Variants in CLDN16 observed in about 807,000 individuals in gnomAD.
The protein encoded by CLDN16 is claudin-16.
In CLDN16, 13 loss-of-function variants were observed where a neutral mutation model predicts 24.6. That is an observed-to-expected ratio of 0.53 (90% CI 0.34 to 0.84). CLDN16 has a LOEUF of 0.84. Ranked by LOEUF, CLDN16 falls within the 40% of genes least tolerant of loss-of-function variation. CLDN16 has a pLI of 0.01. For missense variants in CLDN16, 298 were observed against 292.7 expected, an observed-to-expected ratio of 1.02 and a Z score of -0.13; for synonymous variants, 116 against 106.7, an observed-to-expected ratio of 1.09 and a Z score of -0.54.
chr3:190,397,422 A>G (rs1016491597), intron 1 of CLDN16, among the ~76,000 whole-genome samples: 1 of 152,200 alleles, frequency 6.6e-6, no homozygotes, highest in Non-Finnish European at 1.5e-5. Flanking sequence ...TTACCCTTTA[A>G]GAAAGGTTAA....
chr3:190,353,799 C>T (rs1045938709), intron 1 of CLDN16, among the ~76,000 whole-genome samples: 3 of 152,034 alleles, frequency 2.0e-5, no homozygotes, highest in African/African-American at 7.2e-5. Context: ...TGGAGTTTGC[C>T]TGTTCTTAAC....
intron 1 of CLDN16, among the ~76,000 whole-genome samples, chr3:190,391,937 G>A (rs994737293): frequency 6.6e-6 from 1 of 152,068 alleles, no homozygotes; most frequent in Non-Finnish European, 1.5e-5. Flanking sequence ...GATTTTTCAA[G>A]CGTATGTTTG....
chr3:190,335,657 A>G (rs536340757), intron 1 of CLDN16, among the ~76,000 whole-genome samples: 179 of 138,780 alleles, frequency 1.3e-3, no homozygotes, highest in African/African-American at 4.6e-3. Context: ...GCTTGCAGTG[A>G]GCCGAGATCG....
chr3:190,317,930 T>G (rs1716813502), upstream of CLDN16, among the ~76,000 whole-genome samples: 1 of 152,212 alleles, frequency 6.6e-6, no homozygotes, highest in South Asian at 2.1e-4. Flanking sequence ...TAATAAGTAT[T>G]AAGTGAATAA....
intron 1 of CLDN16, among the ~76,000 whole-genome samples, chr3:190,365,373 T>C (rs1348208555): frequency 6.6e-6 from 1 of 151,688 alleles, no homozygotes; most frequent in Non-Finnish European, 1.5e-5. Flanking sequence ...TTTATTGTAT[T>C]GGCCAGTGAA....
intron 1 of CLDN16, among the ~76,000 whole-genome samples, chr3:190,333,532 A>AG (rs1717227827): frequency 1.1e-3 from 18 of 16,320 alleles, no homozygotes; most frequent in African/African-American, 3.4e-3. Flanking sequence ...TCAGTCTATC[A>AG]TCTATCTATC....
chr3:190,358,571 A>G (rs1717823710), intron 1 of CLDN16, among the ~76,000 whole-genome samples: 1 of 151,958 alleles, frequency 6.6e-6, no homozygotes, highest in African/African-American at 2.4e-5. Flanking sequence ...CAATTGTAGG[A>G]TGATTGCAAA....
upstream of CLDN16, among the ~76,000 whole-genome samples, chr3:190,320,943 A>G (rs1716900571): frequency 6.6e-6 from 1 of 150,696 alleles, no homozygotes; most frequent in Admixed American, 6.6e-5. Flanking sequence ...TCGGACAAGG[A>G]ACTCGAAACC....
At chr3:190,327,068 G>C (rs898328246) in intron 1 of CLDN16, among the ~76,000 whole-genome samples, 1 of 152,154 alleles carries the variant, frequency 6.6e-6, no homozygotes, top group Non-Finnish European at 1.5e-5. Flanking sequence ...GAGAGAGAGA[G>C]AGGAAGGGAG....
At position 190,381,701 on chromosome 3, in the gene CLDN16, A is replaced by T. The variant is rs143928111; in HGVS notation, n.306+7098A>T. On this transcript the variant is annotated intron_variant and non_coding_transcript_variant, in intron 3 of 4. Coordinates refer to the CLDN16 transcript ENST00000468220. ...GTATATTTGTCACTCCAGAATGTTT[A>T]AGTGAGAACAGATGTGCTGAGTTAA... 3.4e-3 allele frequency among the ~76,000 whole-genome samples: 514 copies of T among 152,198 alleles called. 3 individuals carry two copies. The highest frequency in any genetic ancestry group is 0.012 in the African/African-American group (500 of 41,560).
chr3:190,328,674 G>GGAGAGAACATTC, intron 1 of CLDN16, among the ~76,000 whole-genome samples: 1 of 145,020 alleles, frequency 6.9e-6, no homozygotes, highest in Non-Finnish European at 1.5e-5. Context: ...AACATTCTAC[G>GGAGAGAACATTC]TAAAAAAAAA....
chr3:190,404,005 G>A (rs1199421532), intron 2 of CLDN16, among the ~76,000 whole-genome samples: 1 of 152,088 alleles, frequency 6.6e-6, no homozygotes, highest in East Asian at 1.9e-4. Flanking sequence ...TCACTACGTA[G>A]AGAAAACCAC....
intron 1 of CLDN16, among the ~76,000 whole-genome samples, chr3:190,392,070 T>TTTTTTTTTTTTTTTTTTTTTTC (rs1718693206): frequency 6.6e-6 from 1 of 150,502 alleles, no homozygotes; most frequent in African/African-American, 2.4e-5. Flanking sequence ...TTTTTTTTTT[T>TTTTTTTTTTTTTTTTTTTTTTC]TTTTTTAACA....
intron 1 of CLDN16, among the ~76,000 whole-genome samples, chr3:190,323,228 C>T (rs115206686): frequency 0.012 from 1,897 of 152,296 alleles, 13 homozygotes; most frequent in Non-Finnish European, 0.018. Flanking sequence ...TGTCTTAGAG[C>T]AGCAATTCAT....
intron 3 of CLDN16, among the ~76,000 whole-genome samples, chr3:190,379,985 C>CTATCTATCTATCTATCTATCTA (rs1718326085): frequency 4.0e-5 from 4 of 99,780 alleles, no homozygotes; most frequent in African/African-American, 1.3e-4. Context: ...GTCTATCTAT[C>CTATCTATCTATCTATCTATCTA]TATCTATCTA....
chr3:190,357,174 C>T (rs1391456881), intron 1 of CLDN16, among the ~76,000 whole-genome samples: 3 of 151,856 alleles, frequency 2.0e-5, no homozygotes, highest in East Asian at 3.9e-4. Context: ...GATTAACATC[C>T]TCCTATGAGT....
chr3:190,357,698 G>T (rs1018200971), intron 1 of CLDN16, among the ~76,000 whole-genome samples: 1 of 151,916 alleles, frequency 6.6e-6, no homozygotes, highest in Non-Finnish European at 1.5e-5. Flanking sequence ...ACAGGTTGGT[G>T]CTTTACTCGT....
At chr3:190,386,053 A>G (rs1338580468), upstream of CLDN16, among the ~76,000 whole-genome samples, 1 of 152,140 alleles carries the variant, frequency 6.6e-6, no homozygotes, top group African/African-American at 2.4e-5. Context: ...GGTAAAGTAC[A>G]CTGTGAAAAG....
At chr3:190,323,784 T>C (rs951748634) in intron 1 of CLDN16, among the ~76,000 whole-genome samples, 2 of 152,214 alleles carry the variant, frequency 1.3e-5, no homozygotes, top group Non-Finnish European at 2.9e-5. Flanking sequence ...GCCTTTCATG[T>C]AGGCTTAAAA....
Sources: gnomAD v4.1 joint callset for allele counts (sites outside exome capture counted in the v4.1 genomes callset) on GRCh38, gnomAD v4.1.1 for gene constraint, MANE v1.5 for transcripts, NCBI Gene and HGNC (gene_info 2026-07-23, HGNC 2026-07-21) for gene names.